VWA5B1: variants seen among roughly 807,000 people sequenced by gnomAD.
VWA5B1 encodes the protein von Willebrand factor A domain containing 5B1, also known as von Willebrand factor A domain-containing protein 5B1.
In VWA5B1, 115 loss-of-function variants were observed where a neutral mutation model predicts 118.2. The ratio of observed to expected loss-of-function variants is 0.97; its 90% confidence interval spans 0.84 to 1.14. VWA5B1 has a LOEUF of 1.14. Ranked by LOEUF, VWA5B1 falls within the 50% of genes most tolerant of loss-of-function variation. The pLI, the probability that VWA5B1 is intolerant of heterozygous loss-of-function variation, is 0.00. For synonymous variants in VWA5B1, 682 were observed against 658.4 expected, an observed-to-expected ratio of 1.04 and a Z score of -0.55; for missense variants, 1,596 against 1,603.8, an observed-to-expected ratio of 1.00 and a Z score of 0.08.
Position 20,357,957 on chromosome 1 carries a change from G to A in VWA5B1, c.*3694G>A, listed in dbSNP as rs943820990. Among the ~76,000 whole-genome samples, 3 of 152,110 alleles carry A rather than the reference G, an allele frequency of 2.0e-5. No individual in the cohort carries two copies. Among genetic ancestry groups the A allele is most frequent in the African/African-American group, 7.2e-5 (3 of 41,398 alleles). ...TGTCCCTGCAACAGAGTGCCCCGAG[G>A]GCCCAACCTCCCACCACATGCAGAT... On this transcript the variant is annotated 3_prime_UTR_variant, in exon 22 of 22. Coordinates refer to ENST00000289815, the MANE Select transcript of VWA5B1 (RefSeq NM_001039500.3).
intron 1 of VWA5B1, chr1:20,303,429 G>A (rs2088554641): frequency 6.6e-6 from 1 of 152,394 alleles, no homozygotes; most frequent in South Asian, 2.1e-4. Context: ...GCAAGGGAAA[G>A]GGTAGATTTC....
chr1:20,328,688 G>T (rs761858667), intron 9 of VWA5B1, among the ~76,000 whole-genome samples: 1 of 152,176 alleles, frequency 6.6e-6, no homozygotes, highest in East Asian at 1.9e-4. Context: ...TGGGAGGGTC[G>T]CTTGAGCCTA....
chr1:20,351,943 AGGAGGCTGGAG>A (rs2090138343), intron 20 of VWA5B1, 101 bp from the exon 21 acceptor site: 1 of 716,902 alleles, frequency 1.4e-6, no homozygotes, highest in African/African-American at 1.8e-5. Context: ...CTATCAGATA[AGGAGGCTGGAG>A]GGAGCCATCT....
At chr1:20,327,359 A>G (rs944502815) in intron 8 of VWA5B1, among the ~76,000 whole-genome samples, 1 of 152,154 alleles carries the variant, frequency 6.6e-6, no homozygotes, top group African/African-American at 2.4e-5. Context: ...GACAAATATG[A>G]GCTGAAGAGA....
intron 1 of VWA5B1, among the ~76,000 whole-genome samples, chr1:20,308,489 G>A (rs2088736842): frequency 6.6e-6 from 1 of 152,188 alleles, no homozygotes; most frequent in Non-Finnish European, 1.5e-5. Context: ...GGACTGGGCG[G>A]GGAGTGAACA....
chr1:20,297,739 C>T (rs150928501), intron 1 of VWA5B1, among the ~76,000 whole-genome samples: 5 of 152,344 alleles, frequency 3.3e-5, no homozygotes, highest in Non-Finnish European at 7.3e-5. Flanking sequence ...GCCTCTGCCA[C>T]TCTCAAGCCT....
Position 20,323,447 on chromosome 1 carries a change from C to G in VWA5B1, c.1058C>G (p.Pro353Arg). Residue 353 changes from proline (P) to arginine (R), a missense_variant, in exon 8 of 22, where the codon CCG (proline) becomes CGG (arginine). Pro to Arg is a moderately radical substitution (Grantham distance 103, BLOSUM62 -2). Coordinates refer to ENST00000289815, the MANE Select transcript of VWA5B1 (RefSeq NM_001039500.3). ...TGTCCCGACCTCCAGTCAGTCCAGC[C>G]GTGCCTGAGAAAGGCCCACGGGGAG... is the stretch of plus-strand genomic sequence containing the variant. ...NFCPDLQSVQ[P>R]CLRKAHGEFI... The G allele has an allele frequency of 5.8e-6, 9 of 1,538,982 alleles. No individual in the cohort carries two copies. The highest frequency in any genetic ancestry group is 7.0e-6 in the Non-Finnish European group (8 of 1,141,578).
chr1:20,327,782 G>A, intron 8 of VWA5B1, 108 bp from the exon 9 acceptor site: 2 of 933,442 alleles, frequency 2.1e-6, no homozygotes, highest in Admixed American at 2.0e-5. Flanking sequence ...GGAGGGTAAA[G>A]GTCTGTTTGG....
chr1:20,322,715 C>G (rs558776391), intron 7 of VWA5B1, among the ~76,000 whole-genome samples: 36 of 152,328 alleles, frequency 2.4e-4, no homozygotes, highest in African/African-American at 8.7e-4. Flanking sequence ...GAGGCCATTG[C>G]TCTCTGCCAG....
chr1:20,345,326 G>A, intron 16 of VWA5B1, 130 bp from the exon 17 acceptor site: 1 of 1,231,776 alleles, frequency 8.1e-7, no homozygotes, highest in Non-Finnish European at 1.1e-6. Context: ...GCAAGCCCTT[G>A]ATTTTAAAGG....
chr1:20,320,506 C>T (rs942528593), intron 7 of VWA5B1, among the ~76,000 whole-genome samples: 2 of 152,216 alleles, frequency 1.3e-5, no homozygotes, highest in Non-Finnish European at 2.9e-5. Flanking sequence ...TGCCAGAGGT[C>T]CCATTGAGCT....
chr1:20,336,669 A>G (rs969567074), intron 13 of VWA5B1, among the ~76,000 whole-genome samples, 183 bp downstream of exon 13: 3 of 152,202 alleles, frequency 2.0e-5, no homozygotes, highest in African/African-American at 7.2e-5. Flanking sequence ...TCATAGAGCA[A>G]TAGGTAGAGT....
chr1:20,293,871 A>G (rs947627562), intron 1 of VWA5B1, among the ~76,000 whole-genome samples: 2 of 152,146 alleles, frequency 1.3e-5, no homozygotes, highest in Non-Finnish European at 2.9e-5. Context: ...GGAGGAAGCA[A>G]TGGATGGATG....
At chr1:20,330,469 A>C (rs554038161) in intron 10 of VWA5B1, 87 bp downstream of exon 10, 1 of 1,461,544 alleles carries the variant, frequency 6.8e-7, no homozygotes, top group East Asian at 2.5e-5. Flanking sequence ...GGAAAATGCC[A>C]GAGGGAGAGG....
rs12408235 is a variant in VWA5B1, at chr1:20,290,891, C to G, written c.-224C>G. 0.045 allele frequency: 6,787 copies of G among 152,472 alleles called. 216 individuals carry two copies. Among genetic ancestry groups the G allele is most frequent in the Admixed American group, 0.079 (1,204 of 15,298 alleles). 9.4% of individuals were successfully genotyped at this position (152,472 alleles called of 1,614,324 possible). ...TTACGCTCTGACAAAACAAATGGCT[C>G]GGCCTCCTGCAGGCCACCTAAACAG... is the stretch of plus-strand genomic sequence containing the variant. On this transcript the variant is annotated 5_prime_UTR_variant, in exon 1 of 22. Transcript: ENST00000289815.
chr1:20,307,350 C>T lies in VWA5B1; in HGVS notation c.-26-3226C>T, dbSNP rs556916157. Among the ~76,000 whole-genome samples the T allele has an allele frequency of 5.9e-5, 9 of 152,288 alleles. No homozygotes were observed. In the South Asian group the frequency reaches 6.2e-4, roughly 11 times the overall value. On this transcript the variant is annotated intron_variant, in intron 1 of 21. Coordinates refer to ENST00000289815, the MANE Select transcript of VWA5B1 (RefSeq NM_001039500.3). ...GACACTCAGCAGAATCTACTCTGGT[C>T]CTCATGGTCCCCATCTCTCATGGGG...
intron 1 of VWA5B1, among the ~76,000 whole-genome samples, chr1:20,305,371 C>T (rs999427273): frequency 6.6e-6 from 1 of 151,986 alleles, no homozygotes; most frequent in African/African-American, 2.4e-5. Flanking sequence ...CAAGCATGCT[C>T]GAGTCACCTG....
intron 11 of VWA5B1, among the ~76,000 whole-genome samples, chr1:20,332,479 C>CAAAATAAAATAATAAAAT (rs2089588148): frequency 1.1e-5 from 1 of 88,750 alleles, no homozygotes; most frequent in African/African-American, 4.3e-5. Context: ...GACTCTGTCT[C>CAAAATAAAATAATAAAAT]AAAATAAAAT....
At chr1:20,334,917 T>C (rs2089670468) in intron 12 of VWA5B1, among the ~76,000 whole-genome samples, 2 of 152,192 alleles carry the variant, frequency 1.3e-5, no homozygotes, top group African/African-American at 4.8e-5. Context: ...TGTCCAAGGA[T>C]TTATTGTAGT....
Sources: allele counts gnomAD v4.1 joint callset (sites outside exome capture counted in the v4.1 genomes callset), GRCh38; gene constraint gnomAD v4.1.1; transcripts MANE v1.5; gene names NCBI Gene and HGNC (gene_info 2026-07-23, HGNC 2026-07-21).